GRM5: variants seen among roughly 807,000 people sequenced by gnomAD.
GRM5 encodes glutamate metabotropic receptor 5.
GRM5 carries 19 observed loss-of-function variants against 83.1 expected under a neutral mutation model. That is an observed-to-expected ratio of 0.23 (90% CI 0.16 to 0.34). GRM5 has a LOEUF of 0.34. Ranked by LOEUF, GRM5 falls within the 10% of genes least tolerant of loss-of-function variation. The pLI, the probability that GRM5 is intolerant of heterozygous loss-of-function variation, is 1.00. For synonymous variants in GRM5, 675 were observed against 633.6 expected, an observed-to-expected ratio of 1.07 and a Z score of -0.98; for missense variants, 1,160 against 1,588.3, an observed-to-expected ratio of 0.73 and a Z score of 4.58.
intron 3 of GRM5, among the ~76,000 whole-genome samples, chr11:88,800,223 TAAAAATTA>T (rs1471429920): frequency 6.6e-6 from 1 of 152,174 alleles, no homozygotes. Flanking sequence ...AAAGTTGCTC[TAAAAATTA>T]GTTCTATAAA....
intron 8 of GRM5, among the ~76,000 whole-genome samples, chr11:88,555,866 A>G (rs1356245217): frequency 2.6e-5 from 4 of 152,168 alleles, no homozygotes; most frequent in Admixed American, 1.3e-4. Flanking sequence ...GCAGTGATTT[A>G]TCATTTAGTT....
chr11:88,505,449 C>T lies in GRM5; in HGVS notation c.*3143G>A, dbSNP rs1941160094. 1 of 152,260 alleles carries T rather than the reference C, an allele frequency of 6.6e-6. No homozygotes were observed. The highest frequency in any genetic ancestry group is 2.4e-5 in the African/African-American group (1 of 41,472). The allele number at this position is 152,260 out of a possible 1,614,324, so 9.4% of individuals were successfully genotyped here. On this transcript the variant is annotated 3_prime_UTR_variant, in exon 10 of 10. Coordinates refer to ENST00000305447, the MANE Select transcript of GRM5 (RefSeq NM_001143831.3). ...AGCTCCTAGTCTTCCTGATCACTTG[C>T]TGGTAACAGCAGTAGTTTGGGAAAG...
In GRM5 at chr11:88,509,509, G is replaced by A; in HGVS notation, c.2727-5C>T. The A allele has an allele frequency of 1.2e-6, 2 of 1,605,608 alleles. No individual in the cohort carries two copies. Among genetic ancestry groups the A allele is most frequent in the African/African-American group, 1.3e-5 (1 of 74,728 alleles). On this transcript the variant is annotated splice_polypyrimidine_tract_variant and splice_region_variant and intron_variant, in intron 9 of 9. Coordinates refer to ENST00000305447, the MANE Select transcript of GRM5 (RefSeq NM_001143831.3). ...GTGACGGATTTTCCATTGGAACTGA[G>A]GAGAGAAGGGAGAGGAAAGGTGACT...
At chr11:88,857,748 T>C (rs1455819497) in intron 2 of GRM5, among the ~76,000 whole-genome samples, 1 of 152,098 alleles carries the variant, frequency 6.6e-6, no homozygotes, top group East Asian at 1.9e-4. Flanking sequence ...AACAAAACAT[T>C]GTATATACTT....
intron 3 of GRM5, among the ~76,000 whole-genome samples, chr11:88,767,278 A>G (rs1017477084): frequency 6.6e-6 from 1 of 152,000 alleles, no homozygotes; most frequent in Non-Finnish European, 1.5e-5. Context: ...CAATTCCTCA[A>G]ATAACTAAAA....
At chr11:88,895,619 T>C (rs1945216726) in intron 2 of GRM5, among the ~76,000 whole-genome samples, 1 of 151,976 alleles carries the variant, frequency 6.6e-6, no homozygotes, top group South Asian at 2.1e-4. Flanking sequence ...ATCTGATTAT[T>C]TGTAAAGGCA....
At chr11:88,859,436 A>G (rs2135549417) in intron 2 of GRM5, among the ~76,000 whole-genome samples, 1 of 152,180 alleles carries the variant, frequency 6.6e-6, no homozygotes, top group Non-Finnish European at 1.5e-5. Flanking sequence ...AGATCCTGTA[A>G]AATTATTTGG....
At chr11:88,997,465 A>G (rs1408085685) in intron 2 of GRM5, among the ~76,000 whole-genome samples, 1 of 151,888 alleles carries the variant, frequency 6.6e-6, no homozygotes. Flanking sequence ...AACAAAAATT[A>G]ATAAACTTGA....
chr11:88,978,849 T>C (rs920620701), intron 2 of GRM5, among the ~76,000 whole-genome samples: 4 of 152,266 alleles, frequency 2.6e-5, no homozygotes, highest in African/African-American at 4.8e-5. Context: ...AGTAGGGAAC[T>C]TGTCAAAGAC....
At chr11:88,907,080 G>A (rs1475247076) in intron 2 of GRM5, among the ~76,000 whole-genome samples, 1 of 152,004 alleles carries the variant, frequency 6.6e-6, no homozygotes, top group Non-Finnish European at 1.5e-5. Context: ...CAATTTCTCG[G>A]TGTTCTATTT....
At chr11:88,674,419 T>C (rs1940271256) in intron 3 of GRM5, among the ~76,000 whole-genome samples, 1 of 151,964 alleles carries the variant, frequency 6.6e-6, no homozygotes, top group East Asian at 1.9e-4. Context: ...TACATATCTA[T>C]CTTTAGCCTT....
Position 88,885,450 on chromosome 11 carries a change from G to GGTTTTTTTTTTTTTTTTT in GRM5, c.662-35296_662-35295insAAAAAAAAAAAAAAAAAC, listed in dbSNP as rs1945027301. ...TTCTGAATTCTATAGTAGGTACCAT[G>GGTTTTTTTTTTTTTTTTT]TTTTTTTTTTTTTTTTTTTTTTTTT... On this transcript the variant is annotated intron_variant, in intron 2 of 9. Coordinates refer to ENST00000305447, the MANE Select transcript of GRM5 (RefSeq NM_001143831.3). Among the ~76,000 whole-genome samples the GGTTTTTTTTTTTTTTTTT allele has an allele frequency of 8.3e-4, 52 of 62,666 alleles. 20 individuals carry two copies. Among genetic ancestry groups the GGTTTTTTTTTTTTTTTTT allele is most frequent in the African/African-American group, 1.2e-3 (21 of 16,858 alleles). 41.1% of individuals were successfully genotyped at this position (62,666 alleles called of 152,430 possible). A position where few individuals can be genotyped will look rare whatever the true frequency, so the allele number is the denominator to read the frequency against.
At chr11:88,847,920 T>G (rs941115200) in intron 3 of GRM5, among the ~76,000 whole-genome samples, 1 of 152,166 alleles carries the variant, frequency 6.6e-6, no homozygotes, top group African/African-American at 2.4e-5. Flanking sequence ...AGCCAATCTA[T>G]TTACTTAGTG....
intron 3 of GRM5, among the ~76,000 whole-genome samples, chr11:88,736,227 A>C (rs1369587669): frequency 6.6e-6 from 1 of 152,006 alleles, no homozygotes. Context: ...CCTAAAAAAA[A>C]CTTTCTTGAA....
intron 3 of GRM5, among the ~76,000 whole-genome samples, chr11:88,815,850 G>A (rs1943667075): frequency 6.6e-6 from 1 of 152,166 alleles, no homozygotes; most frequent in African/African-American, 2.4e-5. Flanking sequence ...AACATTAAAT[G>A]TTTGGGGGAC....
intron 6 of GRM5, among the ~76,000 whole-genome samples, chr11:88,593,437 G>A (rs1937697862): frequency 6.6e-6 from 1 of 152,000 alleles, no homozygotes; most frequent in Non-Finnish European, 1.5e-5. Context: ...CAGCACTTTG[G>A]AAGGCTGAGG....
chr11:88,650,351 A>G (rs1420521669), intron 4 of GRM5, among the ~76,000 whole-genome samples: 1 of 151,990 alleles, frequency 6.6e-6, no homozygotes, highest in Non-Finnish European at 1.5e-5. Context: ...AATTTTTCCA[A>G]TAGATATTAA....
chr11:88,984,801 T>C (rs1427461509), intron 2 of GRM5: 1 of 739,356 alleles, frequency 1.4e-6, no homozygotes, highest in South Asian at 1.4e-5. Flanking sequence ...AGCACTTGGA[T>C]GTTTTCATTT....
At chr11:88,559,430 T>C (rs1942705054) in intron 8 of GRM5, among the ~76,000 whole-genome samples, 1 of 152,168 alleles carries the variant, frequency 6.6e-6, no homozygotes, top group Admixed American at 6.5e-5. Context: ...CTTCCTCTTC[T>C]ACTTACTATC....
Sources: gnomAD v4.1 joint callset for allele counts (sites outside exome capture counted in the v4.1 genomes callset) on GRCh38, gnomAD v4.1.1 for gene constraint, MANE v1.5 for transcripts, NCBI Gene and HGNC (gene_info 2026-07-23, HGNC 2026-07-21) for gene names.